The following ZNRF2 variants were observed in gnomAD, a reference collection of about 807,000 sequenced individuals.
ZNRF2 encodes E3 ubiquitin-protein ligase ZNRF2.
ZNRF2 carries 16 observed loss-of-function variants against 20.4 expected under a neutral mutation model. The observed-to-expected ratio is 0.79, with a 90% CI of 0.53 to 1.19. The LOEUF (loss-of-function observed/expected upper bound fraction) is 1.19, where lower values mean the gene tolerates loss of function less well. Ranked by LOEUF, ZNRF2 falls within the 50% of genes most tolerant of loss-of-function variation. The pLI is 0.00. For synonymous variants in ZNRF2, 178 were observed against 144.9 expected (o/e 1.23, Z -1.64); for missense variants, 363 against 332.4 (o/e 1.09, Z -0.72).
chr7:30,338,434 C>T (rs1799749576), intron 2 of ZNRF2, among the ~76,000 whole-genome samples: 1 of 143,972 alleles, frequency 6.9e-6, no homozygotes, highest in South Asian at 2.3e-4. Flanking sequence ...CCCCCCCCCA[C>T]CCCCCAACAG....
At chr7:30,316,004 T>C (rs748323850) in intron 1 of ZNRF2, among the ~76,000 whole-genome samples, 58 of 151,850 alleles carry the variant, frequency 3.8e-4, no homozygotes, top group Non-Finnish European at 6.9e-4. Flanking sequence ...AAAAGAATTG[T>C]CAGACTAGGC....
chr7:30,285,816 C>G lies in ZNRF2; in HGVS notation c.459C>G (p.His153Gln), dbSNP rs745452890. The G allele has an allele frequency of 4.1e-5, 63 of 1,523,912 alleles. No homozygotes were observed. Among genetic ancestry groups the G allele is most frequent in the Non-Finnish European group, 4.7e-5 (54 of 1,144,302 alleles). The allele number at this position is 1,523,912 out of a possible 1,614,324, so 94.4% of individuals were successfully genotyped here. A position where few individuals can be genotyped will look rare whatever the true frequency, so the allele number is the denominator to read the frequency against. Residue 153 changes from histidine to glutamine, a missense_variant, in exon 1 of 5, where the codon CAC becomes CAG. Physicochemically the swap from His to Gln is conservative, Grantham distance 24. This residue lies in a region of ZNRF2 where 302 missense variants were observed against 231.5 expected (regional missense o/e 1.30). Transcript: ENST00000323037. The part of the protein sequence containing the change: ...IGSLPAHLSP[H>Q]MFGGFKCPVC... ...CCTTACCAGCTCACCTCTCGCCGCACATGTTTGGAGGTACGGACCCCTCTC... is the reference window on the plus strand; with the variant it reads ...CCTTACCAGCTCACCTCTCGCCGCAGATGTTTGGAGGTACGGACCCCTCTC...
intron 1 of ZNRF2, among the ~76,000 whole-genome samples, chr7:30,318,642 CA>C (rs1296352908): frequency 6.6e-6 from 1 of 152,094 alleles, no homozygotes; most frequent in Admixed American, 6.6e-5. Context: ...AAACAATGTA[CA>C]AATACTGAGT....
At chr7:30,305,082 A>G (rs1260189347) in intron 1 of ZNRF2, among the ~76,000 whole-genome samples, 3 of 152,144 alleles carry the variant, frequency 2.0e-5, no homozygotes, top group African/African-American at 7.2e-5. Context: ...TGTGGTGGAA[A>G]TTCTGTCAGT....
intron 1 of ZNRF2, 83 bp downstream of exon 1, chr7:30,285,909 T>G: frequency 7.5e-7 from 1 of 1,333,864 alleles, no homozygotes; most frequent in Non-Finnish European, 9.6e-7. Flanking sequence ...TTTACCCTTC[T>G]CCTTTTCTCC....
At position 30,355,083 on chromosome 7, in the gene ZNRF2, C is replaced by G. The variant is rs201708580; in HGVS notation, c.566-645C>G. 7.2e-5 allele frequency among the ~76,000 whole-genome samples: 11 copies of G among 152,188 alleles called. No homozygotes were observed. In the East Asian group the frequency reaches 2.1e-3, roughly 29 times the overall value. The stretch of plus-strand genomic sequence containing the variant: ...GTTTGTTTTTAAATACCCTGCAGAT[C>G]CTTTTGGAAGCCACTCTAATTAATG... On this transcript the variant is annotated intron_variant, in intron 2 of 4. Transcript: ENST00000323037.
intron 1 of ZNRF2, among the ~76,000 whole-genome samples, chr7:30,321,191 G>C (rs1431289378): frequency 6.6e-6 from 1 of 152,022 alleles, no homozygotes; most frequent in Non-Finnish European, 1.5e-5. Context: ...TATTTGCTTG[G>C]CTGTATGTAA....
chr7:30,317,681 G>C (rs1019632883), intron 1 of ZNRF2, among the ~76,000 whole-genome samples: 1 of 152,220 alleles, frequency 6.6e-6, no homozygotes, highest in South Asian at 2.1e-4. Flanking sequence ...CAACAGCCAG[G>C]ATGCTGTGAC....
intron 2 of ZNRF2, among the ~76,000 whole-genome samples, chr7:30,348,508 C>T (rs147041649): frequency 1.8e-3 from 280 of 152,274 alleles, no homozygotes; most frequent in African/African-American, 6.3e-3. Flanking sequence ...GACTCACAGC[C>T]ATGTTTTATT....
rs1799863514 is a variant in ZNRF2, at chr7:30,345,537, T to C, written c.566-10191T>C. 2.0e-5 allele frequency among the ~76,000 whole-genome samples: 3 copies of C among 151,078 alleles called. No individual in the cohort carries two copies. In the South Asian group the frequency reaches 6.3e-4, roughly 32 times the overall value. ...GTAAATTTGGTGGTGGTCCTTCTCT[T>C]TTTTTTTTAAATTATTTATTATTTA... On this transcript the variant is annotated intron_variant, in intron 2 of 4. Coordinates refer to ENST00000323037, the MANE Select transcript of ZNRF2 (RefSeq NM_147128.4).
intron 1 of ZNRF2, among the ~76,000 whole-genome samples, chr7:30,315,529 G>A (rs906371875): frequency 3.9e-5 from 6 of 152,064 alleles, no homozygotes; most frequent in Admixed American, 3.3e-4. Flanking sequence ...GATTAGAGTG[G>A]ATGTTCCCTT....
chr7:30,287,375 A>AT (rs1208011331), intron 1 of ZNRF2, among the ~76,000 whole-genome samples: 13 of 152,352 alleles, frequency 8.5e-5, no homozygotes, highest in African/African-American at 3.1e-4. Flanking sequence ...GAAGATGAAT[A>AT]TTTAAGTTTG....
At chr7:30,320,225 G>A (rs945075065) in intron 1 of ZNRF2, among the ~76,000 whole-genome samples, 1 of 150,958 alleles carries the variant, frequency 6.6e-6, no homozygotes, top group Non-Finnish European at 1.5e-5. Context: ...TCTCTATACA[G>A]ATCTTTCTAT....
rs368441849 is a variant in ZNRF2 at position 30,329,660 on chromosome 7, T to A, written c.565+5923T>A. 3.3e-5 allele frequency among the ~76,000 whole-genome samples: 5 copies of A among 152,366 alleles called. No homozygotes were observed. The South Asian group carries it at 6.2e-4, about 19-fold the overall frequency. ...TTCATTCATTTGCATGGCTGAATAA[T>A]ATTCTATTGTTTATAGATACCACGT... On this transcript the variant is annotated intron_variant, in intron 2 of 4. Transcript: ENST00000323037.
chr7:30,352,179 C>T (rs531374790), intron 2 of ZNRF2, among the ~76,000 whole-genome samples: 21 of 151,976 alleles, frequency 1.4e-4, no homozygotes, highest in African/African-American at 2.6e-4. Context: ...TTGAGGTTGA[C>T]GAACATTTTT....
chr7:30,322,912 G>A (rs1440649336), intron 1 of ZNRF2, among the ~76,000 whole-genome samples: 1 of 152,140 alleles, frequency 6.6e-6, no homozygotes. Flanking sequence ...ACATCAAATA[G>A]TCCCTATTTT....
intron 1 of ZNRF2, among the ~76,000 whole-genome samples, chr7:30,293,292 A>C (rs891561255): frequency 7.0e-6 from 1 of 141,894 alleles, no homozygotes; most frequent in Non-Finnish European, 1.5e-5. Flanking sequence ...TCTGTCACCC[A>C]GGCTACAGTG....
intron 2 of ZNRF2, among the ~76,000 whole-genome samples, chr7:30,335,991 CA>C (rs1379646257): frequency 6.6e-6 from 1 of 152,058 alleles, no homozygotes; most frequent in Non-Finnish European, 1.5e-5. Context: ...TGACTCAATT[CA>C]GGGGTAAAGA....
intron 1 of ZNRF2, among the ~76,000 whole-genome samples, chr7:30,301,710 A>C (rs905982526): frequency 7.3e-4 from 110 of 151,630 alleles, no homozygotes; most frequent in African/African-American, 2.5e-3. Flanking sequence ...TAAAAAAAAA[A>C]AAAAAAAAAA....
Sources: gnomAD v4.1 joint callset for allele counts (sites outside exome capture counted in the v4.1 genomes callset) on GRCh38, gnomAD v4.1.1 for gene constraint, gnomAD v4.1.1 regional missense constraint, MANE v1.5 for transcripts, NCBI Gene and HGNC (gene_info 2026-07-23, HGNC 2026-07-21) for gene names.